The following ADAMTS14 variants were observed in gnomAD, a reference collection of about 807,000 sequenced individuals.
ADAMTS14 encodes the protein ADAM metallopeptidase with thrombospondin type 1 motif 14.
A neutral mutation model predicts 128.6 loss-of-function variants in ADAMTS14; 100 were observed. That is an observed-to-expected ratio of 0.78 (90% confidence interval 0.66 to 0.92). The LOEUF (loss-of-function observed/expected upper bound fraction) is 0.92. ADAMTS14 is among the 40% of genes least tolerant of loss of function. The probability of loss-of-function intolerance (pLI) is 0.00; values close to 1 mark genes in which losing one functional copy is unlikely to be tolerated. For synonymous variants in ADAMTS14, 665 were observed against 653.8 expected, an observed-to-expected ratio of 1.02 and a Z score of -0.26; for missense variants, 1,562 against 1,658.6, an observed-to-expected ratio of 0.94 and a Z score of 1.01.
rs1397917188 is a variant in ADAMTS14 at position 70,760,506 on chromosome 10, A to G, written c.3325A>G (p.Thr1109Ala). ...GPNPGPDPGP[T>A]SLPPFSTPGS... is the part of the protein sequence containing the mutation. ...CAACCCTGGCCCAGACCCTGGCCCA[A>G]CCTCACTGCCCCCCTTCTCCACTCC... Residue 1109 changes from threonine (T) to alanine (A), a missense_variant, in exon 22 of 22, where the codon ACC becomes GCC. Thr to Ala is a moderately conservative substitution (Grantham distance 58, BLOSUM62 0). Coordinates refer to ENST00000373207, the MANE Select transcript of ADAMTS14 (RefSeq NM_080722.4). 1 of 1,613,710 alleles carries G rather than the reference A, an allele frequency of 6.2e-7. No homozygotes were observed. The highest frequency in any genetic ancestry group is 8.5e-7 in the Non-Finnish European group (1 of 1,179,962).
At chr10:70,747,334 G>A (rs1448168914) in intron 15 of ADAMTS14, among the ~76,000 whole-genome samples, 2 of 152,168 alleles carry the variant, frequency 1.3e-5, no homozygotes, top group Non-Finnish European at 2.9e-5. Context: ...GCCAGTCTGG[G>A]CCCAGGTCTC....
intron 2 of ADAMTS14, among the ~76,000 whole-genome samples, chr10:70,694,364 A>G (rs1299068399): frequency 6.6e-6 from 1 of 152,214 alleles, no homozygotes. Context: ...TAATAGCTTT[A>G]TTGAGATATA....
At chr10:70,721,138 C>A (rs1841248261) in intron 4 of ADAMTS14, among the ~76,000 whole-genome samples, 1 of 150,608 alleles carries the variant, frequency 6.6e-6, no homozygotes, top group Non-Finnish European at 1.5e-5. Context: ...GATTCTCCTG[C>A]CTCAGCCTCC....
rs147043263 is a variant in ADAMTS14, at chr10:70,753,674, C to A, written c.2730-126C>A. The A allele has an allele frequency of 5.6e-4, 561 of 993,600 alleles. 5 individuals are homozygous for A. The East Asian group carries it at 0.013, about 23-fold the overall frequency. The allele number at this position is 993,600 out of a possible 1,614,324, so 61.5% of individuals were successfully genotyped here. On this transcript the variant is annotated intron_variant, in intron 18 of 21. Transcript: ENST00000373207. ...GAGCCAGGTGGACAGTTGTCCTAGG[C>A]CTCAAACATTCTGAAACCCAAACCC...
rs113887778 is a variant in ADAMTS14 at position 70,709,594 on chromosome 10, G to A, written c.870+816G>A. 4.1e-3 allele frequency among the ~76,000 whole-genome samples: 545 copies of A among 131,600 alleles called. 2 individuals are homozygous for A. The highest frequency in any genetic ancestry group is 0.015 in the African/African-American group (503 of 34,322). 86.3% of individuals were successfully genotyped at this position (131,600 alleles called of 152,430 possible). On this transcript the variant is annotated intron_variant, in intron 4 of 21. Coordinates refer to ENST00000373207, the MANE Select transcript of ADAMTS14 (RefSeq NM_080722.4). ...CGGCTCACTGCAAGCTCCATCTCCC[G>A]GGTTCACGCCATTCTCCTGCCTCAG...
Position 70,738,990 on chromosome 10 carries a change from C to T in ADAMTS14, c.1748C>T (p.Ser583Phe), listed in dbSNP as rs777350272. 7.1e-5 allele frequency: 111 copies of T among 1,554,444 alleles called. No individual in the cohort carries two copies. Among genetic ancestry groups the T allele is most frequent in the Admixed American group, 1.0e-4 (6 of 57,914 alleles). Residue 583 changes from serine to phenylalanine, a missense_variant and splice_region_variant, in exon 11 of 22, where the codon TCC becomes TTC. Ser to Phe is a radical substitution (Grantham distance 155, BLOSUM62 -2). Coordinates refer to ENST00000373207, the MANE Select transcript of ADAMTS14 (RefSeq NM_080722.4). ...RSRSRSCNNPSPAYGGRLCLG... is the reference protein window; with the variant it reads ...RSRSRSCNNPFPAYGGRLCLG... ...CGCAGCCGGAGCTGCAACAACCCCT[C>T]GTGAGTGTGCTTGGCTAGGGTGGGG...
At position 70,751,538 on chromosome 10, in the gene ADAMTS14, G is replaced by A; in HGVS notation, c.2488G>A (p.Glu830Lys). 6.2e-7 allele frequency: 1 copy of A among 1,613,634 alleles called. No individual in the cohort carries two copies. The highest frequency in any genetic ancestry group is 8.5e-7 in the Non-Finnish European group (1 of 1,179,626). The change falls in exon 17 of 22, where the codon GAG becomes AAG. Residue 830 changes from glutamate to lysine, a missense_variant. Coordinates refer to ENST00000373207, the MANE Select transcript of ADAMTS14 (RefSeq NM_080722.4). Reference sequence around the variant, plus strand: ...CCTGGCCTACAAGTACGTCATCCATGAGGACCTGCTGCCCCTTATCGGGAG... The same window carrying A: ...CCTGGCCTACAAGTACGTCATCCATAAGGACCTGCTGCCCCTTATCGGGAG... ...SSLAYKYVIH[E>K]DLLPLIGSNN...
At chr10:70,723,063 C>T (rs7092269) in intron 4 of ADAMTS14, among the ~76,000 whole-genome samples, 6,724 of 152,300 alleles carry the variant, frequency 0.044, 185 homozygotes, top group South Asian at 0.076. Flanking sequence ...AGTGATGAGT[C>T]AGGCTGGTAT....
chr10:70,754,018 C>T lies in ADAMTS14; in HGVS notation c.2937+11C>T, dbSNP rs1448272240. 3.2e-6 allele frequency: 5 copies of T among 1,541,580 alleles called. No individual in the cohort carries two copies. The highest frequency in any genetic ancestry group is 2.4e-5 in the South Asian group (2 of 84,016). On this transcript the variant is annotated intron_variant, in intron 19 of 21. Coordinates refer to ENST00000373207, the MANE Select transcript of ADAMTS14 (RefSeq NM_080722.4). ...GGAGCCTGGTCCCAGGTGACTTGTC[C>T]TCAGGAGGTGGGAGGGGCTTGGGGA...
chr10:70,736,589 C>A, intron 9 of ADAMTS14, 91 bp from the exon 10 acceptor site: 2 of 1,240,106 alleles, frequency 1.6e-6, no homozygotes, highest in African/African-American at 1.5e-5. Context: ...GGTGCCTGCA[C>A]TCATCACACC....
chr10:70,709,036 A>C (rs1208606818), intron 4 of ADAMTS14, among the ~76,000 whole-genome samples: 1 of 152,178 alleles, frequency 6.6e-6, no homozygotes, highest in Admixed American at 6.5e-5. Context: ...ACCTGGGCTG[A>C]GGTGACCCAC....
chr10:70,758,109 G>A lies in ADAMTS14; in HGVS notation c.3067+18G>A. 6.2e-7 allele frequency: 1 copy of A among 1,612,106 alleles called. No individual in the cohort carries two copies. Among genetic ancestry groups the A allele is most frequent in the Admixed American group, 1.7e-5 (1 of 59,854 alleles). Reference sequence around the variant, plus strand: ...CTGTGGAGGTGAGCCAGAGGGGATGGGGAGGCCAGGTCCAGTCCCTTGGGC... The same window carrying A: ...CTGTGGAGGTGAGCCAGAGGGGATGAGGAGGCCAGGTCCAGTCCCTTGGGC... On this transcript the variant is annotated intron_variant, in intron 20 of 21. Coordinates refer to ENST00000373207, the MANE Select transcript of ADAMTS14 (RefSeq NM_080722.4).
Position 70,752,185 on chromosome 10 carries a change from C to A in ADAMTS14, c.2687C>A (p.Pro896His). 1 of 1,613,782 alleles carries A rather than the reference C, an allele frequency of 6.2e-7. No individual in the cohort carries two copies. The highest frequency in any genetic ancestry group is 8.5e-7 in the Non-Finnish European group (1 of 1,179,982). ...TGTGACCACAAGAAGAGGCCCAAGC[C>A]CATCCGCCGGCGCTGCAACCAGCAC... ...HLCDHKKRPK[P>H]IRRRCNQHPC... Residue 896 changes from proline to histidine, a missense_variant, in exon 18 of 22, where the codon CCC becomes CAC. Coordinates refer to ENST00000373207, the MANE Select transcript of ADAMTS14 (RefSeq NM_080722.4).
Position 70,672,772 on chromosome 10 carries a change from G to A in ADAMTS14, c.-31G>A, listed in dbSNP as rs1347714520. 1 of 1,491,092 alleles carries A rather than the reference G, an allele frequency of 6.7e-7. No individual in the cohort carries two copies. 92.4% of individuals were successfully genotyped at this position (1,491,092 alleles called of 1,614,324 possible). On this transcript the variant is annotated 5_prime_UTR_variant, in exon 1 of 22. Transcript: ENST00000373207. ...TCAGCCTGGGACTTGGGGATCGGGC[G>A]CTTGCCCAGCCCGCGTCCCAGCGCG... is the stretch of plus-strand genomic sequence containing the variant.
intron 4 of ADAMTS14, among the ~76,000 whole-genome samples, chr10:70,716,198 C>CT (rs1441769273): frequency 6.6e-6 from 1 of 152,222 alleles, no homozygotes; most frequent in African/African-American, 2.4e-5. Flanking sequence ...GAGTAATGAT[C>CT]TTCCCAGAGG....
chr10:70,745,458 A>C (rs1842149455), intron 15 of ADAMTS14, 152 bp downstream of exon 15: 1 of 827,814 alleles, frequency 1.2e-6, no homozygotes, highest in Non-Finnish European at 2.0e-6. Context: ...TTTTATTTTA[A>C]ATTTATGCTG....
rs756007850 is a variant in ADAMTS14, at chr10:70,735,217, G to A, written c.1401G>A (p.Gln467=). The A allele has an allele frequency of 3.1e-6, 5 of 1,613,684 alleles. No individual in the cohort carries two copies. Among genetic ancestry groups the A allele is most frequent in the African/African-American group, 2.7e-5 (2 of 74,936 alleles). ...ACCCCTTTGATCCTGCCTGGCCCCA[G>A]CCCCCAGAGCTGCCTGGGATCAACT... The part of the protein sequence containing the change: ...LDDPFDPAWP[Q]PPELPGINYS... The change falls in exon 9 of 22, where the codon CAG becomes CAA. Residue 467 remains glutamine, a synonymous_variant. Transcript: ENST00000373207.
chr10:70,701,367 A>T lies in ADAMTS14; in HGVS notation c.523-945A>T, dbSNP rs564724786. 3.7e-4 allele frequency among the ~76,000 whole-genome samples: 56 copies of T among 152,378 alleles called. 1 individual carries two copies. The highest frequency in any genetic ancestry group is 5.0e-4 in the Non-Finnish European group (34 of 68,036). ...CCTTGGTATGTAGTAGGCACTCAAT[A>T]GATATTTGTCGAACGAGTGAAGGAA... On this transcript the variant is annotated intron_variant, in intron 2 of 21. Coordinates refer to ENST00000373207, the MANE Select transcript of ADAMTS14 (RefSeq NM_080722.4).
rs111968535 is a variant in ADAMTS14, at chr10:70,707,006, C to G, written c.680-1582C>G. ...TGTGCAGGGGCAGGGCCCTCTGCCC[C>G]CTGTGCTGAAGCAGGTTATCTCCTG... On this transcript the variant is annotated intron_variant, in intron 3 of 21. Coordinates refer to ENST00000373207, the MANE Select transcript of ADAMTS14 (RefSeq NM_080722.4). Among the ~76,000 whole-genome samples the G allele has an allele frequency of 1.6e-3, 249 of 152,322 alleles. 1 individual carries two copies. Among genetic ancestry groups the G allele is most frequent in the African/African-American group, 5.7e-3 (236 of 41,576 alleles).
Sources: allele counts gnomAD v4.1 joint callset (sites outside exome capture counted in the v4.1 genomes callset), GRCh38; gene constraint gnomAD v4.1.1; transcripts MANE v1.5; gene names NCBI Gene and HGNC (gene_info 2026-07-23, HGNC 2026-07-21).